The following MDGA2 variants were observed in gnomAD, a reference collection of about 807,000 sequenced individuals.
The protein encoded by MDGA2 is MAM domain-containing glycosylphosphatidylinositol anchor protein 2.
In MDGA2, 40 loss-of-function variants were observed where a neutral mutation model predicts 117.8. The ratio of observed to expected loss-of-function variants is 0.34; its 90% CI spans 0.26 to 0.44. The LOEUF is 0.44. Ranked by LOEUF, MDGA2 falls within the 20% of genes least tolerant of loss-of-function variation. The probability of loss-of-function intolerance (pLI) is 1.00; values close to 1 mark genes in which losing one functional copy is unlikely to be tolerated. For synonymous variants in MDGA2, 452 were observed against 439.0 expected, an observed-to-expected ratio of 1.03 and a Z score of -0.37; for missense variants, 1,123 against 1,250.6, an observed-to-expected ratio of 0.90 and a Z score of 1.54.
intron 1 of MDGA2, among the ~76,000 whole-genome samples, chr14:47,356,829 C>T (rs1891004948): frequency 6.6e-6 from 1 of 152,182 alleles, no homozygotes; most frequent in South Asian, 2.1e-4. Flanking sequence ...AAACACCACC[C>T]ATTGGTGTGC....
intron 1 of MDGA2, among the ~76,000 whole-genome samples, chr14:47,314,960 C>G (rs1355528044): frequency 6.6e-6 from 1 of 152,038 alleles, no homozygotes; most frequent in Admixed American, 6.6e-5. Context: ...TACCTAGAGA[C>G]TTGTCTAGAG....
At chr14:47,654,056 A>G (rs951248876) in intron 1 of MDGA2, among the ~76,000 whole-genome samples, 2 of 152,192 alleles carry the variant, frequency 1.3e-5, no homozygotes, top group African/African-American at 4.8e-5. Flanking sequence ...AAGAAAACTA[A>G]CACAACCATC....
intron 12 of MDGA2, 82 bp downstream of exon 12, chr14:46,877,407 A>T: frequency 1.3e-6 from 1 of 782,562 alleles, no homozygotes; most frequent in Non-Finnish European, 2.0e-6. Context: ...AATAGTTACT[A>T]AACAATTTTT....
chr14:47,293,922 A>T (rs1888973657), intron 2 of MDGA2, among the ~76,000 whole-genome samples: 1 of 152,102 alleles, frequency 6.6e-6, no homozygotes, highest in Non-Finnish European at 1.5e-5. Context: ...TATAAAAATC[A>T]ATGGAAACAA....
intron 1 of MDGA2, among the ~76,000 whole-genome samples, chr14:47,376,796 G>A (rs991098383): frequency 6.6e-6 from 1 of 152,102 alleles, no homozygotes; most frequent in Non-Finnish European, 1.5e-5. Flanking sequence ...CTAAGACACT[G>A]TAGAAAAAAT....
intron 1 of MDGA2, among the ~76,000 whole-genome samples, chr14:47,426,852 G>A (rs1423241701): frequency 1.3e-5 from 2 of 151,074 alleles, no homozygotes; most frequent in East Asian, 1.9e-4. Flanking sequence ...ATTTTCAGAG[G>A]AGGCAGGACA....
intron 8 of MDGA2, among the ~76,000 whole-genome samples, chr14:47,021,294 C>T (rs533589318): frequency 3.9e-5 from 6 of 152,260 alleles, no homozygotes; most frequent in African/African-American, 1.4e-4. Context: ...CAACCATCCT[C>T]ATTCTAAACA....
chr14:47,535,448 G>T (rs987223528), intron 1 of MDGA2, among the ~76,000 whole-genome samples: 1 of 152,286 alleles, frequency 6.6e-6, no homozygotes, highest in Admixed American at 6.5e-5. Context: ...CAGGCAAAGG[G>T]GCTGCTTTTG....
At position 47,343,201 on chromosome 14, in the gene MDGA2, G is replaced by A. The variant is rs566262329; in HGVS notation, c.281-41651C>T. The A allele has an allele frequency of 6.2e-6, 7 of 1,129,548 alleles. No homozygotes were observed. The East Asian group carries it at 3.6e-4, about 58-fold the overall frequency. The allele number at this position is 1,129,548 out of a possible 1,614,324, so 70.0% of individuals were successfully genotyped here. A position where few individuals can be genotyped will look rare whatever the true frequency, so the allele number is the denominator to read the frequency against. On this transcript the variant is annotated intron_variant, in intron 1 of 16. Transcript: ENST00000399232. ...CTGGTACAGGCTCAAGCTATTAAAA[G>A]GAATGGTGATTTTTTTTGTTTGTTT...
intron 1 of MDGA2, among the ~76,000 whole-genome samples, chr14:47,571,229 G>A (rs1055184929): frequency 2.3e-4 from 35 of 152,162 alleles, no homozygotes; most frequent in African/African-American, 7.5e-4. Context: ...GGTTAGAATT[G>A]TGATCATTAA....
intron 3 of MDGA2, among the ~76,000 whole-genome samples, chr14:47,150,057 C>T (rs890969163): frequency 3.0e-4 from 45 of 152,204 alleles, no homozygotes; most frequent in Middle Eastern, 3.4e-3. Context: ...GGTTCTATCC[C>T]GAGAAGGGTG....
At chr14:47,304,610 C>A (rs188938227) in intron 1 of MDGA2, among the ~76,000 whole-genome samples, 1 of 152,240 alleles carries the variant, frequency 6.6e-6, no homozygotes, top group East Asian at 1.9e-4. Context: ...AAATCCATGA[C>A]ATTTCACAAT....
At position 47,039,025 on chromosome 14, in the gene MDGA2, CTG is replaced by C. The variant is rs1464181099; in HGVS notation, c.1526-3723_1526-3722del. Among the ~76,000 whole-genome samples, 4 of 151,964 alleles carry C rather than the reference CTG, an allele frequency of 2.6e-5. No homozygotes were observed. In the South Asian group the frequency reaches 8.3e-4, roughly 32 times the overall value. On this transcript the variant is annotated intron_variant, in intron 7 of 16. Transcript: ENST00000399232. ...CCTACAACTCTCCTGGCCAAAAAGA[CTG>C]TATAATTTCTCAAACCTGTTATATG...
intron 7 of MDGA2, among the ~76,000 whole-genome samples, chr14:47,036,062 G>A (rs1490935841): frequency 6.6e-6 from 1 of 151,900 alleles, no homozygotes; most frequent in East Asian, 1.9e-4. Context: ...GAGGTCAGGA[G>A]ATCGAGACCA....
chr14:46,982,307 G>T (rs181686739), intron 8 of MDGA2, among the ~76,000 whole-genome samples: 6 of 151,930 alleles, frequency 3.9e-5, no homozygotes, highest in Admixed American at 2.6e-4. Context: ...TGATTAAAAT[G>T]GTGTAAAAGT....
At chr14:47,370,718 A>G (rs190936064) in intron 1 of MDGA2, among the ~76,000 whole-genome samples, 1 of 151,432 alleles carries the variant, frequency 6.6e-6, no homozygotes, top group Non-Finnish European at 1.5e-5. Flanking sequence ...CTCTGTCAGT[A>G]TCCTCTCTGT....
rs556061123 is a variant in MDGA2, at chr14:46,998,161, A to G, written c.1819+36850T>C. 1.8e-4 allele frequency among the ~76,000 whole-genome samples: 28 copies of G among 152,234 alleles called. No individual in the cohort carries two copies. In the East Asian group the frequency reaches 4.3e-3, roughly 23 times the overall value. ...ATAGGGCTTAGAAAATAATTTATCTAGACCAGGCATGGTGGCTCACACCTA... is the reference window on the plus strand; with the variant it reads ...ATAGGGCTTAGAAAATAATTTATCTGGACCAGGCATGGTGGCTCACACCTA... On this transcript the variant is annotated intron_variant, in intron 8 of 16. Coordinates refer to ENST00000399232, the MANE Select transcript of MDGA2 (RefSeq NM_001113498.3).
chr14:46,999,208 TA>T (rs35609045), intron 8 of MDGA2, among the ~76,000 whole-genome samples: 36 of 144,282 alleles, frequency 2.5e-4, no homozygotes, highest in East Asian at 4.0e-4. Flanking sequence ...TCACAGCAGG[TA>T]AAAAAAAAAG....
chr14:46,903,734 T>A (rs936430769), intron 10 of MDGA2, among the ~76,000 whole-genome samples: 2 of 152,196 alleles, frequency 1.3e-5, no homozygotes, highest in African/African-American at 4.8e-5. Flanking sequence ...AATACTGGAA[T>A]GCCTGTTTTA....
Sources: gnomAD v4.1 joint callset for allele counts (sites outside exome capture counted in the v4.1 genomes callset) on GRCh38, gnomAD v4.1.1 for gene constraint, MANE v1.5 for transcripts, NCBI Gene and HGNC (gene_info 2026-07-23, HGNC 2026-07-21) for gene names.